Variants in PCDHA9 observed in about 807,000 individuals in gnomAD.
PCDHA9 encodes the protein protocadherin alpha-9.
Under a neutral mutation model 62.0 loss-of-function variants are expected in PCDHA9, and 62 were observed. The ratio of observed to expected loss-of-function variants is 1.00; its 90% CI spans 0.81 to 1.23. The LOEUF is 1.23. Among genes scored for constraint, PCDHA9 ranks in the 50% most tolerant of loss-of-function variants. PCDHA9 has a pLI of 0.00. For missense variants in PCDHA9, 1,205 were observed against 1,249.8 expected (o/e 0.96, Z 0.54); for synonymous variants, 557 against 567.6 (o/e 0.98, Z 0.27).
chr5:140,873,889 G>T (rs1373623503), intron 1 of PCDHA9, among the ~76,000 whole-genome samples: 2 of 152,182 alleles, frequency 1.3e-5, no homozygotes, highest in South Asian at 4.1e-4. Context: ...TTGAACTCCT[G>T]ACCTCAGGTG....
intron 1 of PCDHA9, chr5:140,863,473 C>A (rs966575223): frequency 6.2e-6 from 3 of 487,660 alleles, no homozygotes; most frequent in South Asian, 1.6e-5. Flanking sequence ...TCTGGAGAGT[C>A]GCCTCCCAAG....
At chr5:140,876,141 AG>A in intron 1 of PCDHA9, 1 of 1,613,984 alleles carries the variant, frequency 6.2e-7, no homozygotes, top group Non-Finnish European at 8.5e-7. Context: ...CAGAACTAAC[AG>A]GGTCTGTCCA....
intron 1 of PCDHA9, chr5:140,871,449 G>A: frequency 6.2e-7 from 1 of 1,608,762 alleles, no homozygotes; most frequent in Non-Finnish European, 8.5e-7. Context: ...TGAATAAAGA[G>A]GAGGAAGGGG....
rs2150500833 is a variant in PCDHA9 at position 140,850,862 on chromosome 5, C to T, written c.2367C>T (p.Pro789=). ...GATCTACAGAGCGAACGGGAGAACCCTCTGCTTCCTCAGATTCAACTGGGA... is the reference window on the plus strand; with the variant it reads ...GATCTACAGAGCGAACGGGAGAACCTTCTGCTTCCTCAGATTCAACTGGGA... ...CAGSTERTGE[P]SASSDSTGKP... Residue 789 remains proline (P), a synonymous_variant, in exon 1 of 4, where the codon CCC becomes CCT. Coordinates refer to ENST00000532602, the MANE Select transcript of PCDHA9 (RefSeq NM_031857.2). The T allele has an allele frequency of 1.9e-6, 3 of 1,592,842 alleles. 1 individual carries two copies. In the African/African-American group the frequency reaches 4.0e-5, roughly 21 times the overall value.
Position 140,962,028 on chromosome 5 carries a change from C to A in PCDHA9, c.2395-16921C>A, listed in dbSNP as rs1046578713. Among the ~76,000 whole-genome samples the A allele has an allele frequency of 5.9e-5, 9 of 152,036 alleles. No individual in the cohort carries two copies. In the South Asian group the frequency reaches 1.7e-3, roughly 28 times the overall value. The stretch of plus-strand genomic sequence containing the variant: ...CTTCCCGAGTAGCTGGGACTACAGG[C>A]ACCCACCACCATGCCTGGCTAATTT... On this transcript the variant is annotated intron_variant, in intron 1 of 3. Transcript: ENST00000532602.
intron 1 of PCDHA9, chr5:140,855,997 T>C (rs1562502842): frequency 1.3e-6 from 2 of 1,505,732 alleles, no homozygotes; most frequent in Non-Finnish European, 1.8e-6. Flanking sequence ...TCAGATCGTA[T>C]GTGCGTTCTA....
chr5:140,853,332 G>A (rs2042712938), intron 1 of PCDHA9: 2 of 984,708 alleles, frequency 2.0e-6, no homozygotes, highest in African/African-American at 3.5e-5. Flanking sequence ...TATCTTTTGA[G>A]GTCATTAGCA....
intron 3 of PCDHA9, among the ~76,000 whole-genome samples, chr5:140,991,620 T>C (rs2097462467): frequency 6.6e-6 from 1 of 152,212 alleles, no homozygotes; most frequent in Non-Finnish European, 1.5e-5. Flanking sequence ...TTTAATGCCA[T>C]ATTTGTAATA....
intron 3 of PCDHA9, among the ~76,000 whole-genome samples, chr5:140,985,728 C>G (rs2097165709): frequency 6.7e-6 from 1 of 148,846 alleles, no homozygotes; most frequent in Admixed American, 6.8e-5. Flanking sequence ...TTTTCCTTCA[C>G]TGATGAATTC....
At position 141,010,044 on chromosome 5, in the gene PCDHA9, G is replaced by C; in HGVS notation, c.*107G>C. Reference sequence around the variant, plus strand: ...TTTCCTATCTACATGAGCCCTCTTAGAGACCTCAGAAATCTGCAGAAAGTT... The same window carrying C: ...TTTCCTATCTACATGAGCCCTCTTACAGACCTCAGAAATCTGCAGAAAGTT... On this transcript the variant is annotated 3_prime_UTR_variant, in exon 4 of 4. Coordinates refer to ENST00000532602, the MANE Select transcript of PCDHA9 (RefSeq NM_031857.2). 1.3e-6 allele frequency: 2 copies of C among 1,594,604 alleles called. No individual in the cohort carries two copies. Among genetic ancestry groups the C allele is most frequent in the Non-Finnish European group, 1.7e-6 (2 of 1,171,226 alleles).
intron 1 of PCDHA9, among the ~76,000 whole-genome samples, chr5:140,940,929 A>G (rs2092704989): frequency 1.3e-5 from 2 of 152,230 alleles, no homozygotes; most frequent in Non-Finnish European, 2.9e-5. Flanking sequence ...CTCCTTGGCT[A>G]CTTAGACTAC....
chr5:140,884,396 C>CT, intron 1 of PCDHA9: 1 of 1,614,012 alleles, frequency 6.2e-7, no homozygotes, highest in South Asian at 1.1e-5. Flanking sequence ...GGTGTCCAGC[C>CT]TGTTGGTGCT....
At chr5:140,869,322 C>A (rs1169893950) in intron 1 of PCDHA9, 12 of 1,613,702 alleles carry the variant, frequency 7.4e-6, no homozygotes, top group Non-Finnish European at 1.0e-5. Context: ...CACATGGGGA[C>A]CTTCTGGAGG....
chr5:140,949,664 A>T (rs2094409163), intron 1 of PCDHA9, among the ~76,000 whole-genome samples: 1 of 151,578 alleles, frequency 6.6e-6, no homozygotes, highest in African/African-American at 2.4e-5. Context: ...TTGTTTCTTT[A>T]AAGTATGCCC....
chr5:140,858,263 T>C lies in PCDHA9; in HGVS notation c.2394+7374T>C, dbSNP rs781901851. ...TGGGCCGGTGAAGCCCACGCTGGTGTGCTCTAGCGCGGTGGGGAGCTGGTC... is the reference window on the plus strand; with the variant it reads ...TGGGCCGGTGAAGCCCACGCTGGTGCGCTCTAGCGCGGTGGGGAGCTGGTC... On this transcript the variant is annotated intron_variant, in intron 1 of 3. Transcript: ENST00000532602. 2.5e-6 allele frequency: 4 copies of C among 1,596,360 alleles called. No homozygotes were observed. The African/African-American group carries it at 4.0e-5, about 16-fold the overall frequency.
chr5:141,000,593 A>G (rs1021263998), intron 3 of PCDHA9, among the ~76,000 whole-genome samples: 3 of 150,498 alleles, frequency 2.0e-5, no homozygotes, highest in African/African-American at 4.9e-5. Flanking sequence ...ATGCCCAGCT[A>G]ATTTTTGTAT....
Position 140,876,083 on chromosome 5 carries a change from A to C in PCDHA9, c.2394+25194A>C. 1 of 1,613,974 alleles carries C rather than the reference A, an allele frequency of 6.2e-7. No individual in the cohort carries two copies. The highest frequency in any genetic ancestry group is 8.5e-7 in the Non-Finnish European group (1 of 1,179,900). ...CTTCGGAAGTTATTGGACAGAGAGC[A>C]AACGCCAAAACTCAATTTATTGCTG... On this transcript the variant is annotated intron_variant, in intron 1 of 3. Coordinates refer to ENST00000532602, the MANE Select transcript of PCDHA9 (RefSeq NM_031857.2).
At position 140,848,863 on chromosome 5, in the gene PCDHA9, T is replaced by G. The variant is rs1581167323; in HGVS notation, c.368T>G (p.Val123Gly). The change falls in exon 1 of 4, where the codon GTG becomes GGG. Residue 123 changes from valine (V) to glycine (G), a missense_variant. Coordinates refer to ENST00000532602, the MANE Select transcript of PCDHA9 (RefSeq NM_031857.2). ...CAGGTTTTCCATGTGGACGTGGAGG[T>G]GAAGGACATTAACGACAACCCTCCA... ...PLQVFHVDVEVKDINDNPPVF... is the reference protein window; with the variant it reads ...PLQVFHVDVEGKDINDNPPVF... 6.3e-7 allele frequency: 1 copy of G among 1,589,778 alleles called. No individual in the cohort carries two copies. The highest frequency in any genetic ancestry group is 1.4e-5 in the African/African-American group (1 of 73,460).
At chr5:140,884,722 T>C in intron 1 of PCDHA9, 2 of 1,460,382 alleles carry the variant, frequency 1.4e-6, no homozygotes, top group South Asian at 3.0e-5. Flanking sequence ...TGCAGTTGTT[T>C]GTTTAAGACA....
Sources: gnomAD v4.1 joint callset for allele counts (sites outside exome capture counted in the v4.1 genomes callset) on GRCh38, gnomAD v4.1.1 for gene constraint, MANE v1.5 for transcripts, NCBI Gene and HGNC (gene_info 2026-07-23, HGNC 2026-07-21) for gene names.